PTCD1: variants seen among roughly 807,000 people sequenced by gnomAD.
PTCD1 encodes pentatricopeptide repeat-containing protein 1, mitochondrial.
In PTCD1, 50 loss-of-function variants were observed where a neutral mutation model predicts 53.4. The ratio of observed to expected loss-of-function variants is 0.94; its 90% CI spans 0.75 to 1.19. The LOEUF (loss-of-function observed/expected upper bound fraction) is 1.19, where lower values mean the gene tolerates loss of function less well. Ranked by LOEUF, PTCD1 falls within the 50% of genes most tolerant of loss-of-function variation. The pLI is 0.00. For missense variants in PTCD1, 918 were observed against 904.8 expected (o/e 1.01, Z -0.19); for synonymous variants, 413 against 394.8 (o/e 1.05, Z -0.55).
At chr7:99,429,355 C>T in intron 4 of PTCD1, 151 bp from the exon 5 acceptor site, 3 of 1,179,818 alleles carry the variant, frequency 2.5e-6, no homozygotes, top group Non-Finnish European at 3.7e-6. Flanking sequence ...CATAGCAAGA[C>T]CCTGTCTCTA....
At chr7:99,428,409 A>G (rs1796135452) in intron 5 of PTCD1, among the ~76,000 whole-genome samples, 1 of 151,132 alleles carries the variant, frequency 6.6e-6, no homozygotes, top group Admixed American at 6.6e-5. Context: ...TCTCAAAAAA[A>G]AAAAAAAAAA....
Position 99,425,582 on chromosome 7 carries a change from G to C in PTCD1, c.950C>G (p.Pro317Arg), listed in dbSNP as rs144362699. The stretch of plus-strand genomic sequence containing the variant: ...CAGCAGGTTGTAGCTGTCCCGGCTC[G>C]GCTGTAGCCCTAGACTCAGCATCAG... ...WRLMLSLGLQ[P>R]SRDSYNLLLV... Residue 317 changes from proline (P) to arginine (R), a missense_variant, in exon 6 of 8, where the codon CCG becomes CGG. Pro to Arg is a moderately radical substitution (Grantham distance 103, BLOSUM62 -2). Coordinates refer to ENST00000292478, the MANE Select transcript of PTCD1 (RefSeq NM_015545.4). 3.1e-6 allele frequency: 5 copies of C among 1,610,828 alleles called. No homozygotes were observed. The highest frequency in any genetic ancestry group is 4.2e-6 in the Non-Finnish European group (5 of 1,179,630).
Position 99,425,528 on chromosome 7 carries a change from C to G in PTCD1, c.1004G>C (p.Gly335Ala). The G allele has an allele frequency of 6.2e-7, 1 of 1,612,654 alleles. No individual in the cohort carries two copies. The highest frequency in any genetic ancestry group is 2.2e-5 in the East Asian group (1 of 44,870). ...LLVAARDCGL[G>A]DPQVASELLL... ...CAGCTCTGAGGCCACCTGGGGGTCC[C>G]CTAGGCCACAGTCCCGAGCTGCCAC... The change falls in exon 6 of 8, where the codon GGG (glycine) becomes GCG (alanine). Residue 335 changes from glycine to alanine, a missense_variant. Gly to Ala is a moderately conservative substitution (Grantham distance 60). Coordinates refer to ENST00000292478, the MANE Select transcript of PTCD1 (RefSeq NM_015545.4).
At position 99,426,247 on chromosome 7, in the gene PTCD1, T is replaced by G. The variant is rs1473256346; in HGVS notation, c.916-631A>C. ...TCTCCCTCTGATGCCCAGCTGAAGC[T>G]GGACTGTAACTGCTGCCATCTCGGC... On this transcript the variant is annotated intron_variant, in intron 5 of 7. Coordinates refer to ENST00000292478, the MANE Select transcript of PTCD1 (RefSeq NM_015545.4). Among the ~76,000 whole-genome samples the G allele has an allele frequency of 2.0e-5, 3 of 151,984 alleles. No individual in the cohort carries two copies. In the East Asian group the frequency reaches 5.8e-4, roughly 30 times the overall value.
At position 99,418,053 on chromosome 7, in the gene PTCD1, C is replaced by T; in HGVS notation, c.*1914G>A. On this transcript the variant is annotated 3_prime_UTR_variant, in exon 8 of 8. Transcript: ENST00000292478. ...TGCCATCTTGGCTCACTGCAACCTCCACCTCCCGGGTTCAAGCGGTTCTCC... is the reference window on the plus strand; with the variant it reads ...TGCCATCTTGGCTCACTGCAACCTCTACCTCCCGGGTTCAAGCGGTTCTCC... The T allele has an allele frequency of 1.9e-6, 2 of 1,032,492 alleles. No homozygotes were observed. The highest frequency in any genetic ancestry group is 2.3e-5 in the South Asian group (1 of 44,072). The allele number at this position is 1,032,492 out of a possible 1,614,324, so 64.0% of individuals were successfully genotyped here. A position where few individuals can be genotyped will look rare whatever the true frequency, so the allele number is the denominator to read the frequency against.
chr7:99,426,188 TCTCCCCACGGTCTCCCTCTCC>T (rs563925993), intron 5 of PTCD1, among the ~76,000 whole-genome samples: 27,315 of 118,238 alleles, frequency 0.23, 5,157 homozygotes, highest in African/African-American at 0.56. Flanking sequence ...TCCCTCTCCC[TCTCCCCACGGTCTCCCTCTCC>T]CTCTTTCCAC....
Position 99,429,593 on chromosome 7 carries a change from AC to A in PTCD1, c.807del (p.Phe270SerfsTer40). ...KCADLRMCLD[V>X]FKEIIHKGHV... The stretch of plus-strand genomic sequence containing the variant: ...GACGGCAGGGGAAGCCCCACCTTGA[AC>A]ACATCGAGGCACATCCTAAGGTCTG... On this transcript the variant is annotated frameshift_variant, in exon 4 of 8. Transcript: ENST00000292478. LOFTEE classifies it high-confidence loss of function. 6.2e-7 allele frequency: 1 copy of A among 1,614,158 alleles called. No individual in the cohort carries two copies. The highest frequency in any genetic ancestry group is 8.5e-7 in the Non-Finnish European group (1 of 1,180,022).
At position 99,434,994 on chromosome 7, in the gene PTCD1, C is replaced by G. The variant is rs1562847350; in HGVS notation, c.249G>C (p.Glu83Asp). ...GGGTCCCAAAACTCTCCTCCTCCTC[C>G]TCGTCTTCTTCCTGCGTGGCCGTGG... ...SNSTATQEED[E>D]EEEESFGTLS... is the part of the protein sequence containing the mutation. The change falls in exon 2 of 8, where the codon GAG becomes GAC. Residue 83 changes from glutamate to aspartate, a missense_variant. Coordinates refer to ENST00000292478, the MANE Select transcript of PTCD1 (RefSeq NM_015545.4). 6.2e-6 allele frequency: 10 copies of G among 1,614,182 alleles called. No homozygotes were observed. The highest frequency in any genetic ancestry group is 6.8e-6 in the Non-Finnish European group (8 of 1,180,036).
rs770608782 is a variant in PTCD1 at position 99,417,666 on chromosome 7, TTA to T, written c.*2299_*2300del. The T allele has an allele frequency of 1.3e-5, 21 of 1,587,704 alleles. No individual in the cohort carries two copies. Among genetic ancestry groups the T allele is most frequent in the Non-Finnish European group, 1.8e-5 (21 of 1,173,014 alleles). ...CTGCCTTAGTCGACTGCAAGGGATCTTATGTTATTTGGTTGGGCTGGAATGTC... is the reference window on the plus strand; with the variant it reads ...CTGCCTTAGTCGACTGCAAGGGATCTTGTTATTTGGTTGGGCTGGAATGTC... On this transcript the variant is annotated 3_prime_UTR_variant, in exon 8 of 8. Transcript: ENST00000292478.
rs760647598 is a variant in PTCD1 at position 99,417,572 on chromosome 7, G to A, written c.*2395C>T. The A allele has an allele frequency of 1.4e-5, 23 of 1,612,654 alleles. No homozygotes were observed. The highest frequency in any genetic ancestry group is 6.7e-5 in the Admixed American group (4 of 60,004). On this transcript the variant is annotated 3_prime_UTR_variant, in exon 8 of 8. Coordinates refer to ENST00000292478, the MANE Select transcript of PTCD1 (RefSeq NM_015545.4). ...CTTCGGGACGAACTGCATCTGCCGCGTGCCCAAAAGCAAGCTGGAAGTGGT... is the reference window on the plus strand; with the variant it reads ...CTTCGGGACGAACTGCATCTGCCGCATGCCCAAAAGCAAGCTGGAAGTGGT...
chr7:99,425,045 A>G lies in PTCD1; in HGVS notation c.1487T>C (p.Val496Ala). 6.2e-7 allele frequency: 1 copy of G among 1,613,990 alleles called. No individual in the cohort carries two copies. The highest frequency in any genetic ancestry group is 1.3e-5 in the African/African-American group (1 of 74,980). Residue 496 changes from valine (V) to alanine (A), a missense_variant, in exon 6 of 8, where the codon GTG (valine) becomes GCG (alanine). By Grantham distance (64) the Val-to-Ala change is moderately conservative. Transcript: ENST00000292478. ...CTCTGCAGGACTCCCGGACTCCACC[A>G]CCTCGGCCAGTAGCGTGAGGGTCCT... ...DIRTLTLLAE[V>A]VESGSPAESL... is the part of the protein sequence containing the mutation.
intron 1 of PTCD1, among the ~76,000 whole-genome samples, chr7:99,437,281 A>G (rs1796514316): frequency 6.6e-6 from 1 of 152,184 alleles, no homozygotes; most frequent in South Asian, 2.1e-4. Context: ...GCTTATTTTC[A>G]ATGCATGAAA....
At chr7:99,434,710 A>G (rs1584467880) in intron 2 of PTCD1, 80 bp downstream of exon 2, 18 of 1,583,144 alleles carry the variant, frequency 1.1e-5, no homozygotes. Context: ...AGAGGCTGGG[A>G]AAGTCAGGTG....
chr7:99,433,978 G>C (rs976906769), intron 2 of PTCD1, among the ~76,000 whole-genome samples: 21 of 147,152 alleles, frequency 1.4e-4, no homozygotes, highest in African/African-American at 4.5e-4. Context: ...CTTGAACCCG[G>C]GAGGCAGAGG....
chr7:99,438,113 C>T lies in PTCD1; in HGVS notation c.-27+579G>A, dbSNP rs1351283931. Among the ~76,000 whole-genome samples the T allele has an allele frequency of 2.6e-5, 4 of 152,092 alleles. No individual in the cohort carries two copies. In the South Asian group the frequency reaches 8.3e-4, roughly 32 times the overall value. On this transcript the variant is annotated intron_variant, in intron 1 of 7. Transcript: ENST00000292478. ...ATTTTGTTCCTACACAAGCTCATTA[C>T]CCCACCCTGGTTAAAAAAAACCCTG... is the stretch of plus-strand genomic sequence containing the variant.
At chr7:99,431,779 G>C (rs1796262174) in intron 3 of PTCD1, among the ~76,000 whole-genome samples, 1 of 152,152 alleles carries the variant, frequency 6.6e-6, no homozygotes, top group Non-Finnish European at 1.5e-5. Flanking sequence ...AGAGAGATCA[G>C]ACTGTTACTG....
At position 99,424,899 on chromosome 7, in the gene PTCD1, C is replaced by A; in HGVS notation, c.1633G>T (p.Val545Phe). 6.2e-7 allele frequency: 1 copy of A among 1,614,264 alleles called. No individual in the cohort carries two copies. The highest frequency in any genetic ancestry group is 8.5e-7 in the Non-Finnish European group (1 of 1,180,052). The change falls in exon 6 of 8, where the codon GTC (valine) becomes TTC (phenylalanine). Residue 545 changes from valine to phenylalanine, a missense_variant. Physicochemically the swap from Val to Phe is conservative, Grantham distance 50. Transcript: ENST00000292478. ...DLEGAKALLP[V>F]LAKRGLVPNL... Reference sequence around the variant, plus strand: ...GGGACGAGGCCCCTCTTTGCCAGGACCGGCAACAGCGCCTTGGCCCCCTCC... The same window carrying A: ...GGGACGAGGCCCCTCTTTGCCAGGAACGGCAACAGCGCCTTGGCCCCCTCC...
chr7:99,423,025 A>C (rs1584453316), intron 7 of PTCD1, among the ~76,000 whole-genome samples: 2 of 142,628 alleles, frequency 1.4e-5, no homozygotes, highest in Admixed American at 7.0e-5. Context: ...TCACCACCAC[A>C]CCGGGCGAGA....
chr7:99,430,993 T>C (rs1796228819), intron 3 of PTCD1, among the ~76,000 whole-genome samples: 3 of 151,920 alleles, frequency 2.0e-5, no homozygotes, highest in African/African-American at 7.3e-5. Flanking sequence ...GAGAATTGCT[T>C]GAACCTGGGA....
Sources: gnomAD v4.1 joint callset for allele counts (sites outside exome capture counted in the v4.1 genomes callset) on GRCh38, gnomAD v4.1.1 for gene constraint, MANE v1.5 for transcripts, NCBI Gene and HGNC (gene_info 2026-07-23, HGNC 2026-07-21) for gene names.